The following DMD variants were observed in gnomAD, a reference collection of about 807,000 sequenced individuals.
DMD encodes mutant dystrophin.
A neutral mutation model predicts 330.1 loss-of-function variants in DMD; 63 were observed. The ratio of observed to expected loss-of-function variants is 0.19; its 90% CI spans 0.16 to 0.24. DMD has a LOEUF of 0.24. Among genes scored for constraint, DMD ranks in the 10% least tolerant of loss-of-function variants. DMD has a pLI of 1.00. For missense variants in DMD, 3,344 were observed against 2,684.1 expected (o/e 1.25, Z -5.43); for synonymous variants, 1,223 against 959.8 (o/e 1.27, Z -5.07).
At chrX:33,135,015 C>T (rs1344702731) in intron 1 of DMD, among the ~76,000 whole-genome samples, 1 of 111,771 alleles carries the variant, frequency 8.9e-6, no homozygotes, top group African/African-American at 3.2e-5. Flanking sequence ...TATAATGCTG[C>T]CACATATATC....
rs765811715 is a variant in DMD at position 32,573,736 on chromosome X, A to G, written c.1704+9T>C. 3.3e-6 allele frequency: 4 copies of G among 1,208,847 alleles called. No homozygotes were observed. The Admixed American group carries it at 8.7e-5, about 26-fold the overall frequency. ...GTCTTTTACAGCTAGTTTCTCACAC[A>G]TGACACACCTGTTCTTCAGTAAGAC... is the stretch of plus-strand genomic sequence containing the variant. On this transcript the variant is annotated intron_variant, in intron 14 of 78. Coordinates refer to ENST00000357033, the MANE Select transcript of DMD (RefSeq NM_004006.3).
intron 1 of DMD, among the ~76,000 whole-genome samples, chrX:33,287,695 G>A (rs1031936585): frequency 2.7e-5 from 3 of 111,483 alleles, no homozygotes; most frequent in Non-Finnish European, 5.6e-5. Flanking sequence ...AAAGACAGGA[G>A]TAGAATGTAG....
intron 1 of DMD, among the ~76,000 whole-genome samples, chrX:33,264,288 A>C (rs762915384): frequency 9.0e-6 from 1 of 111,506 alleles, no homozygotes; most frequent in Admixed American, 9.6e-5. Context: ...ATAAAACTTC[A>C]TGTACCTTTC....
At chrX:31,701,834 A>G (rs149528392) in intron 52 of DMD, among the ~76,000 whole-genome samples, 27 of 112,350 alleles carry the variant, frequency 2.4e-4, no homozygotes, top group African/African-American at 8.7e-4. Context: ...GAGCTAATGA[A>G]TCAAAATCTG....
chrX:31,293,204 AGTGTGTGTGTGTGTGT>A (rs559104990), intron 62 of DMD, among the ~76,000 whole-genome samples: 7 of 58,488 alleles, frequency 1.2e-4, no homozygotes, highest in East Asian at 4.9e-4. Context: ...AGTCTGGTTT[AGTGTGTGTGTGTGTGT>A]GTGTGTGTGT....
chrX:32,032,239 C>A (rs1446101945), intron 44 of DMD, among the ~76,000 whole-genome samples: 2 of 111,730 alleles, frequency 1.8e-5, no homozygotes, highest in Admixed American at 1.9e-4. Context: ...CTCCATTTCA[C>A]ATTTTCATTT....
At chrX:32,571,391 T>A (rs1358359564) in intron 15 of DMD, among the ~76,000 whole-genome samples, 1 of 111,849 alleles carries the variant, frequency 8.9e-6, no homozygotes. Flanking sequence ...GTGTACCACT[T>A]CCTACTTTTT....
At chrX:32,835,817 G>T (rs2079564665) in intron 4 of DMD, among the ~76,000 whole-genome samples, 1 of 111,351 alleles carries the variant, frequency 9.0e-6, no homozygotes, top group African/African-American at 3.3e-5. Flanking sequence ...AAGACAAAAT[G>T]ACCTTGACTT....
intron 44 of DMD, among the ~76,000 whole-genome samples, chrX:32,024,795 A>G (rs764023510): frequency 1.1e-4 from 12 of 112,070 alleles, no homozygotes; most frequent in Admixed American, 1.0e-3. Flanking sequence ...AGGCATCATC[A>G]TGATTATTAT....
intron 57 of DMD, among the ~76,000 whole-genome samples, chrX:31,487,134 T>C (rs758219978): frequency 1.8e-5 from 2 of 112,245 alleles, no homozygotes; most frequent in East Asian, 5.6e-4. Flanking sequence ...TTTCCCTTAA[T>C]AGTCATTTGA....
chrX:33,011,264 A>G (rs1337267196), intron 2 of DMD, among the ~76,000 whole-genome samples: 1 of 111,590 alleles, frequency 9.0e-6, no homozygotes, highest in Admixed American at 9.6e-5. Flanking sequence ...TGGCTCAACC[A>G]GCCCCACAAC....
At chrX:31,622,877 TACACACACAC>T (rs1169355719) in intron 55 of DMD, among the ~76,000 whole-genome samples, 1 of 70,327 alleles carries the variant, frequency 1.4e-5, no homozygotes, top group South Asian at 7.4e-4. Flanking sequence ...TATATATATA[TACACACACAC>T]ACACACACAC....
chrX:31,675,172 G>A (rs1011083343), intron 53 of DMD, among the ~76,000 whole-genome samples: 5 of 111,866 alleles, frequency 4.5e-5, no homozygotes, highest in Non-Finnish European at 7.5e-5. Context: ...TGTTATGGCC[G>A]TCTCTTGATG....
chrX:31,678,496 A>C (rs748224031), intron 53 of DMD, among the ~76,000 whole-genome samples: 1 of 112,401 alleles, frequency 8.9e-6, no homozygotes, highest in East Asian at 2.8e-4. Context: ...GCTGCTTGAT[A>C]AAACATAGTT....
chrX:32,585,299 C>G (rs1414672384), intron 13 of DMD, among the ~76,000 whole-genome samples: 1 of 112,094 alleles, frequency 8.9e-6, no homozygotes, highest in African/African-American at 3.2e-5. Context: ...TTATATACAA[C>G]AGTGTAACAA....
chrX:31,346,996 CCT>C (rs1425559237), intron 61 of DMD, among the ~76,000 whole-genome samples: 2 of 33,949 alleles, frequency 5.9e-5, no homozygotes, highest in Non-Finnish European at 9.9e-5. Context: ...AATGAGGCTC[CCT>C]CTCAAAAAAA....
At chrX:32,358,333 G>A (rs1431251918) in intron 37 of DMD, among the ~76,000 whole-genome samples, 1 of 110,515 alleles carries the variant, frequency 9.0e-6, no homozygotes, top group African/African-American at 3.3e-5. Flanking sequence ...TTATTTTCCC[G>A]ATGGTATCCA....
At chrX:31,586,180 C>T (rs1353730866) in intron 55 of DMD, among the ~76,000 whole-genome samples, 2 of 111,463 alleles carry the variant, frequency 1.8e-5, no homozygotes, top group Admixed American at 1.9e-4. Context: ...TAGAAAACAA[C>T]TATGTCGGGG....
At chrX:33,032,018 G>T (rs1490802579) in intron 1 of DMD, among the ~76,000 whole-genome samples, 2 of 111,898 alleles carry the variant, frequency 1.8e-5, no homozygotes, top group East Asian at 5.6e-4. Flanking sequence ...TCTTGAACAA[G>T]TTGGTAGTTT....
Sources: gnomAD v4.1 joint callset for allele counts (sites outside exome capture counted in the v4.1 genomes callset) on GRCh38, gnomAD v4.1.1 for gene constraint, MANE v1.5 for transcripts, NCBI Gene and HGNC (gene_info 2026-07-23, HGNC 2026-07-21) for gene names.